Variants in ARMC10 observed in about 807,000 individuals in gnomAD.
The protein encoded by ARMC10 is armadillo repeat containing 10.
Under a neutral mutation model 30.2 loss-of-function variants are expected in ARMC10, and 23 were observed. That is an observed-to-expected ratio of 0.76 (90% CI 0.55 to 1.08). The LOEUF (loss-of-function observed/expected upper bound fraction) is 1.08. Among genes scored for constraint, ARMC10 ranks in the 50% least tolerant of loss-of-function variants. The pLI is 0.00. For synonymous variants in ARMC10, 111 were observed against 164.4 expected, an observed-to-expected ratio of 0.68 and a Z score of 2.48; for missense variants, 303 against 413.7, an observed-to-expected ratio of 0.73 and a Z score of 2.32.
intron 2 of ARMC10, among the ~76,000 whole-genome samples, chr7:103,076,980 T>A (rs1042034715): frequency 6.6e-6 from 1 of 152,194 alleles, no homozygotes. Flanking sequence ...CAATCACAGC[T>A]GCAGCCTCCA....
chr7:103,084,493 C>T (rs1460118726), intron 3 of ARMC10, among the ~76,000 whole-genome samples: 23 of 152,214 alleles, frequency 1.5e-4, no homozygotes, highest in African/African-American at 5.3e-4. Flanking sequence ...GCTCTATAAA[C>T]GTATAGGGAG....
chr7:103,075,223 C>G lies in ARMC10; in HGVS notation c.-50C>G, dbSNP rs1799582087. ...CGCTGGAGACCTCCGCGCTGGCCCC[C>G]GCGAGCCTCCTGCCCTGGCCCGGCG... On this transcript the variant is annotated 5_prime_UTR_variant, in exon 1 of 7. Transcript: ENST00000323716. The G allele has an allele frequency of 8.8e-7, 1 of 1,137,882 alleles. No homozygotes were observed. The highest frequency in any genetic ancestry group is 1.1e-6 in the Non-Finnish European group (1 of 928,094). The allele number at this position is 1,137,882 out of a possible 1,614,324, so 70.5% of individuals were successfully genotyped here.
chr7:103,092,489 C>A lies in ARMC10; in HGVS notation c.541C>A (p.Gln181Lys). The A allele has an allele frequency of 6.3e-7, 1 of 1,581,166 alleles. No individual in the cohort carries two copies. The highest frequency in any genetic ancestry group is 1.1e-5 in the South Asian group (1 of 89,022). ...CCCCTGCCTTCAGATATACATCAGT[C>A]AAGTATGTGAGGATGTCTTCTCTGG... ...NQIKIKIYIS[Q>K]VCEDVFSGPL... The change falls in exon 5 of 7, where the codon CAA becomes AAA. Residue 181 changes from glutamine to lysine, a missense_variant. Transcript: ENST00000323716.
chr7:103,077,941 G>T (rs1280731237), intron 2 of ARMC10, among the ~76,000 whole-genome samples: 1 of 152,138 alleles, frequency 6.6e-6, no homozygotes. Context: ...GAAGACTTGA[G>T]AAATGCTCAT....
rs1334052263 is a variant in ARMC10, at chr7:103,075,818, C to T, written c.181C>T (p.Arg61Cys). ...GACGTCAGAGGGTCAGTTGTGCGGG[C>T]GCTCGGCCCGGCCTCAGACGGGAGG... ...EGTSEGQLCG[R>C]SARPQTGGTW... The change falls in exon 2 of 7, where the codon CGC becomes TGC. Residue 61 changes from arginine (R) to cysteine (C), a missense_variant. Physicochemically the swap from Arg to Cys is radical, Grantham distance 180. Transcript: ENST00000323716. 1.2e-6 allele frequency: 2 copies of T among 1,610,856 alleles called. No individual in the cohort carries two copies. The highest frequency in any genetic ancestry group is 1.7e-6 in the Non-Finnish European group (2 of 1,178,674).
At chr7:103,083,556 A>T (rs1427458130) in intron 2 of ARMC10, 126 bp from the exon 3 acceptor site, 4 of 788,888 alleles carry the variant, frequency 5.1e-6, no homozygotes, top group African/African-American at 1.7e-5. Flanking sequence ...AGCCCAGGAG[A>T]TCAAGGTTGT....
intron 2 of ARMC10, chr7:103,083,201 G>A (rs756403473): frequency 5.7e-5 from 26 of 454,484 alleles, no homozygotes; most frequent in South Asian, 2.0e-4. Context: ...TAATTTCTTG[G>A]TATCTATAAG....
chr7:103,084,183 C>T (rs143904471), intron 3 of ARMC10: 5 of 481,104 alleles, frequency 1.0e-5, no homozygotes, highest in East Asian at 7.1e-5. Flanking sequence ...AATTGTATAT[C>T]GGTCTTATGA....
In ARMC10 at chr7:103,075,180, G is replaced by A; in HGVS notation, c.-93G>A. The A allele has an allele frequency of 2.1e-6, 2 of 939,224 alleles. No homozygotes were observed. Among genetic ancestry groups the A allele is most frequent in the Non-Finnish European group, 2.6e-6 (2 of 757,658 alleles). The allele number at this position is 939,224 out of a possible 1,614,324, so 58.2% of individuals were successfully genotyped here. On this transcript the variant is annotated 5_prime_UTR_variant, in exon 1 of 7. Transcript: ENST00000323716. ...ATCCAGGTCAGGTGGCGTTTGCTGT[G>A]GCGGCTAGGCCCGCGTGCGCTGGAG...
chr7:103,084,405 G>A (rs1800652792), intron 3 of ARMC10, among the ~76,000 whole-genome samples: 1 of 152,152 alleles, frequency 6.6e-6, no homozygotes, highest in East Asian at 1.9e-4. Flanking sequence ...TGTTAACATT[G>A]TCATAAGTAC....
At chr7:103,086,604 C>CT (rs369209750) in intron 3 of ARMC10, 26 bp from the exon 4 acceptor site, 55,943 of 1,407,296 alleles carry the variant, frequency 0.04, no homozygotes, top group Non-Finnish European at 0.043. Context: ...CCCAGTCCTG[C>CT]TTTTTTTTTT....
intron 3 of ARMC10, chr7:103,084,177 G>A (rs1800631325): frequency 2.0e-6 from 1 of 508,804 alleles, no homozygotes; most frequent in Non-Finnish European, 3.2e-6. Flanking sequence ...ACTTTAAATT[G>A]TATATCGGTC....
intron 4 of ARMC10, chr7:103,087,737 C>G (rs1477527229): frequency 1.0e-6 from 1 of 977,614 alleles, no homozygotes; most frequent in Non-Finnish European, 1.2e-6. Context: ...AAGAGGTAAT[C>G]TCTGTATTTA....
chr7:103,096,340 A>C (rs1472856103), intron 5 of ARMC10: 1 of 152,168 alleles, frequency 6.6e-6, no homozygotes, highest in African/African-American at 2.4e-5. Flanking sequence ...CATCTCAATC[A>C]ATCAACCGAT....
At chr7:103,085,781 A>G (rs1339205622) in intron 3 of ARMC10, among the ~76,000 whole-genome samples, 2 of 151,768 alleles carry the variant, frequency 1.3e-5, no homozygotes, top group Non-Finnish European at 2.9e-5. Flanking sequence ...CGCCTGGCTA[A>G]TTTTTGTATT....
intron 2 of ARMC10, among the ~76,000 whole-genome samples, chr7:103,078,989 A>G (rs1800141024): frequency 6.6e-6 from 1 of 152,212 alleles, no homozygotes; most frequent in African/African-American, 2.4e-5. Context: ...AGCCTGGACA[A>G]AAGAGCAAGA....
chr7:103,097,358 T>G lies in ARMC10; in HGVS notation c.777+10T>G. The stretch of plus-strand genomic sequence containing the variant: ...ACTTCTCCGTGCCCAAGTAAATAGC[T>G]TATATATTTATTTTGTAAATATACA... On this transcript the variant is annotated intron_variant, in intron 6 of 6. Coordinates refer to ENST00000323716, the MANE Select transcript of ARMC10 (RefSeq NM_031905.5). The G allele has an allele frequency of 6.3e-7, 1 of 1,578,034 alleles. No homozygotes were observed. The highest frequency in any genetic ancestry group is 1.3e-5 in the African/African-American group (1 of 74,190).
intron 3 of ARMC10, among the ~76,000 whole-genome samples, chr7:103,086,106 T>C (rs958052283): frequency 4.6e-5 from 7 of 152,210 alleles, no homozygotes; most frequent in African/African-American, 1.7e-4. Context: ...CTTGTTATAC[T>C]CAGATTTTCC....
At chr7:103,081,716 G>C (rs1249247325) in intron 2 of ARMC10, among the ~76,000 whole-genome samples, 3 of 78,302 alleles carry the variant, frequency 3.8e-5, no homozygotes, top group Middle Eastern at 8.1e-3. Flanking sequence ...AACATAGAGT[G>C]GTATGATTTT....
Sources: allele counts gnomAD v4.1 joint callset (sites outside exome capture counted in the v4.1 genomes callset), GRCh38; gene constraint gnomAD v4.1.1; transcripts MANE v1.5; gene names NCBI Gene and HGNC (gene_info 2026-07-23, HGNC 2026-07-21).